LUZP2: variants seen among roughly 807,000 people sequenced by gnomAD.
LUZP2 encodes leucine zipper protein 2.
A neutral mutation model predicts 51.6 loss-of-function variants in LUZP2; 52 were observed. The ratio of observed to expected loss-of-function variants is 1.01; its 90% CI spans 0.81 to 1.27. LUZP2 has a LOEUF of 1.27. Among genes scored for constraint, LUZP2 ranks in the 50% most tolerant of loss-of-function variants. The pLI is 0.00. For missense variants in LUZP2, 436 were observed against 395.4 expected, an observed-to-expected ratio of 1.10 and a Z score of -0.87; for synonymous variants, 154 against 137.3, an observed-to-expected ratio of 1.12 and a Z score of -0.85.
intron 5 of LUZP2, among the ~76,000 whole-genome samples, chr11:24,803,726 A>G (rs563653962): frequency 1.4e-4 from 22 of 152,166 alleles, no homozygotes; most frequent in Non-Finnish European, 2.8e-4. Flanking sequence ...TAAGCCAGTT[A>G]TGAAAAGACA....
chr11:24,749,023 A>T (rs146194208), intron 4 of LUZP2, among the ~76,000 whole-genome samples: 1 of 152,230 alleles, frequency 6.6e-6, no homozygotes, highest in African/African-American at 2.4e-5. Context: ...GATAGTTGAT[A>T]TAAAGTAATA....
chr11:24,751,502 A>T (rs1373329488), intron 4 of LUZP2: 1 of 710,402 alleles, frequency 1.4e-6, no homozygotes, highest in South Asian at 6.2e-5. Flanking sequence ...AGGTAACATC[A>T]GTGCAGTACA....
chr11:24,920,132 A>T (rs755523236), intron 7 of LUZP2, among the ~76,000 whole-genome samples: 1 of 151,914 alleles, frequency 6.6e-6, no homozygotes, highest in Non-Finnish European at 1.5e-5. Context: ...TGTTTACAAT[A>T]CTCCCAAGTC....
intron 5 of LUZP2, among the ~76,000 whole-genome samples, chr11:24,834,288 C>T (rs1040770165): frequency 3.9e-5 from 6 of 152,042 alleles, no homozygotes; most frequent in Admixed American, 2.6e-4. Flanking sequence ...TTGTTGCCTT[C>T]CCTGTGTCCA....
chr11:24,697,229 T>C (rs1857276699), intron 1 of LUZP2, among the ~76,000 whole-genome samples: 1 of 151,578 alleles, frequency 6.6e-6, no homozygotes, highest in Admixed American at 6.6e-5. Flanking sequence ...TTGAAGGGAG[T>C]GTCATTATTG....
chr11:25,038,999 C>A (rs1486110365), intron 9 of LUZP2, among the ~76,000 whole-genome samples: 1 of 152,168 alleles, frequency 6.6e-6, no homozygotes, highest in Admixed American at 6.5e-5. Flanking sequence ...AGCCGCACAG[C>A]ATCTTTGCAT....
chr11:24,816,985 T>A (rs773259236), intron 5 of LUZP2, among the ~76,000 whole-genome samples: 5 of 152,062 alleles, frequency 3.3e-5, no homozygotes, highest in Non-Finnish European at 7.4e-5. Context: ...CCCATTACCC[T>A]CAGGGATTAA....
intron 5 of LUZP2, among the ~76,000 whole-genome samples, chr11:24,894,175 A>ATTTTT (rs35929813): frequency 3.0e-5 from 4 of 134,870 alleles, no homozygotes; most frequent in African/African-American, 1.1e-4. Flanking sequence ...AAAGTAATTC[A>ATTTTT]TTTTTTTTTT....
intron 3 of LUZP2, among the ~76,000 whole-genome samples, chr11:24,734,512 T>C (rs1219124230): frequency 1.3e-5 from 2 of 151,808 alleles, no homozygotes; most frequent in African/African-American, 4.8e-5. Context: ...AATTCATAGT[T>C]TTATCTAAAA....
intron 1 of LUZP2, among the ~76,000 whole-genome samples, chr11:24,508,507 T>C (rs202066930): frequency 1.3e-5 from 2 of 152,086 alleles, no homozygotes; most frequent in Non-Finnish European, 2.9e-5. Context: ...GTGGAGGCTG[T>C]TTTTTAAAAA....
At chr11:25,039,131 C>A (rs1041567180) in intron 9 of LUZP2, among the ~76,000 whole-genome samples, 3 of 152,124 alleles carry the variant, frequency 2.0e-5, no homozygotes, top group African/African-American at 7.2e-5. Context: ...AATGTACTTG[C>A]AATTTTTGTT....
At chr11:24,711,381 C>T (rs1050692887) in intron 1 of LUZP2, among the ~76,000 whole-genome samples, 10 of 152,004 alleles carry the variant, frequency 6.6e-5, no homozygotes, top group South Asian at 4.2e-4. Flanking sequence ...ACCCGGGAGG[C>T]GGAGCTTGCA....
chr11:24,672,691 T>C (rs1281940417), intron 1 of LUZP2, among the ~76,000 whole-genome samples: 1 of 152,212 alleles, frequency 6.6e-6, no homozygotes, highest in African/African-American at 2.4e-5. Flanking sequence ...TGTGCAAAAA[T>C]CATAGACTGT....
At chr11:24,659,180 A>T (rs1462151223) in intron 1 of LUZP2, among the ~76,000 whole-genome samples, 1 of 152,232 alleles carries the variant, frequency 6.6e-6, no homozygotes, top group Non-Finnish European at 1.5e-5. Flanking sequence ...CCAAATGTCC[A>T]TCAATGATAA....
intron 7 of LUZP2, among the ~76,000 whole-genome samples, chr11:24,974,461 T>C (rs1855830707): frequency 1.3e-5 from 2 of 149,358 alleles, no homozygotes; most frequent in Non-Finnish European, 3.0e-5. Flanking sequence ...TATATGTGAA[T>C]TTGATTCTGT....
At chr11:24,852,785 G>A (rs1044357478) in intron 5 of LUZP2, among the ~76,000 whole-genome samples, 1 of 152,116 alleles carries the variant, frequency 6.6e-6, no homozygotes, top group Non-Finnish European at 1.5e-5. Context: ...ATTTAGGATA[G>A]TTATCTCCTC....
At chr11:24,560,977 A>T (rs919797634) in intron 1 of LUZP2, among the ~76,000 whole-genome samples, 2 of 152,034 alleles carry the variant, frequency 1.3e-5, no homozygotes, top group African/African-American at 4.8e-5. Flanking sequence ...TTGGGATATG[A>T]GCTTATTAGA....
At chr11:24,954,695 C>A (rs1018649635) in intron 7 of LUZP2, among the ~76,000 whole-genome samples, 1 of 152,040 alleles carries the variant, frequency 6.6e-6, no homozygotes, top group Non-Finnish European at 1.5e-5. Flanking sequence ...ACTAACAGGA[C>A]CCTGCTCCAG....
chr11:24,931,822 A>G (rs1590746569), intron 7 of LUZP2, among the ~76,000 whole-genome samples: 1 of 152,162 alleles, frequency 6.6e-6, no homozygotes, highest in African/African-American at 2.4e-5. Flanking sequence ...GTTTTGTCAT[A>G]TCACTGGAAT....
Sources: allele counts gnomAD v4.1 joint callset (sites outside exome capture counted in the v4.1 genomes callset), GRCh38; gene constraint gnomAD v4.1.1; transcripts MANE v1.5; gene names NCBI Gene and HGNC (gene_info 2026-07-23, HGNC 2026-07-21).